The following TTC28 variants were observed in gnomAD, a reference collection of about 807,000 sequenced individuals.
The protein encoded by TTC28 is tetratricopeptide repeat protein 28.
A neutral mutation model predicts 198.0 loss-of-function variants in TTC28; 61 were observed. That is an observed-to-expected ratio of 0.31 (90% CI 0.25 to 0.38). The LOEUF (loss-of-function observed/expected upper bound fraction) is 0.38, where lower values mean the gene tolerates loss of function less well. TTC28 is among the 10% of genes least tolerant of loss of function. TTC28 has a pLI of 1.00. For synonymous variants in TTC28, 1,171 were observed against 1,297.8 expected, an observed-to-expected ratio of 0.90 and a Z score of 2.10; for missense variants, 2,678 against 3,164.0, an observed-to-expected ratio of 0.85 and a Z score of 3.69.
chr22:28,246,048 G>A (rs1930069521), intron 5 of TTC28, among the ~76,000 whole-genome samples: 1 of 152,134 alleles, frequency 6.6e-6, no homozygotes, highest in Non-Finnish European at 1.5e-5. Flanking sequence ...AGTAAACAGT[G>A]AGCTCTGTTC....
intron 2 of TTC28, among the ~76,000 whole-genome samples, chr22:28,326,133 T>C (rs989074380): frequency 1.3e-5 from 2 of 152,004 alleles, no homozygotes; most frequent in Non-Finnish European, 2.9e-5. Flanking sequence ...ATCCATACAA[T>C]GAAACACAAG....
chr22:28,360,749 G>C (rs1007731729), intron 2 of TTC28, among the ~76,000 whole-genome samples: 1 of 152,212 alleles, frequency 6.6e-6, no homozygotes, highest in Non-Finnish European at 1.5e-5. Flanking sequence ...GTGCTTTGCA[G>C]ATACTGCATT....
chr22:28,125,814 T>C (rs2146951036), intron 6 of TTC28, among the ~76,000 whole-genome samples: 1 of 152,278 alleles, frequency 6.6e-6, no homozygotes, highest in South Asian at 2.1e-4. Flanking sequence ...TAAAGCTTCA[T>C]CTGTTAAATA....
chr22:28,541,194 A>C (rs556624419), intron 2 of TTC28, among the ~76,000 whole-genome samples: 12 of 152,346 alleles, frequency 7.9e-5, no homozygotes, highest in African/African-American at 2.9e-4. Context: ...CGTATATAAA[A>C]CAACTGTTTT....
intron 5 of TTC28, among the ~76,000 whole-genome samples, chr22:28,169,059 A>C (rs1361144092): frequency 6.6e-6 from 1 of 152,218 alleles, no homozygotes; most frequent in African/African-American, 2.4e-5. Flanking sequence ...GCAGCCAAAA[A>C]ACACATGAAA....
intron 5 of TTC28, among the ~76,000 whole-genome samples, chr22:28,253,586 T>C (rs912198260): frequency 6.6e-6 from 1 of 152,200 alleles, no homozygotes; most frequent in Admixed American, 6.5e-5. Flanking sequence ...ATCCAATATA[T>C]ACTTGTTAAA....
At chr22:28,524,942 A>G (rs1270834283) in intron 2 of TTC28, among the ~76,000 whole-genome samples, 1 of 152,218 alleles carries the variant, frequency 6.6e-6, no homozygotes, top group Non-Finnish European at 1.5e-5. Flanking sequence ...GCAAAGATTC[A>G]TGCAATAATG....
chr22:28,607,752 G>C (rs570543870), intron 2 of TTC28, among the ~76,000 whole-genome samples: 1 of 152,252 alleles, frequency 6.6e-6, no homozygotes, highest in East Asian at 1.9e-4. Context: ...ACCTATAGCA[G>C]ATGATTGTTA....
At chr22:28,478,254 T>A (rs2048191932) in intron 2 of TTC28, among the ~76,000 whole-genome samples, 1 of 152,146 alleles carries the variant, frequency 6.6e-6, no homozygotes, top group Non-Finnish European at 1.5e-5. Flanking sequence ...AAGCCTGTAA[T>A]CCCAGCACTT....
intron 2 of TTC28, among the ~76,000 whole-genome samples, chr22:28,456,981 T>C (rs2047871937): frequency 6.6e-6 from 1 of 152,148 alleles, no homozygotes; most frequent in African/African-American, 2.4e-5. Flanking sequence ...GAGAAAACAG[T>C]CTTAGTTGAA....
At chr22:28,382,585 GCAA>G (rs1324539766) in intron 2 of TTC28, among the ~76,000 whole-genome samples, 1 of 152,098 alleles carries the variant, frequency 6.6e-6, no homozygotes, top group East Asian at 1.9e-4. Context: ...AAGCTAAAAT[GCAA>G]CAACATTAGA....
chr22:28,456,544 G>A (rs373438970), intron 2 of TTC28, among the ~76,000 whole-genome samples: 4 of 152,130 alleles, frequency 2.6e-5, no homozygotes, highest in Admixed American at 1.3e-4. Flanking sequence ...AAAGGTTAAT[G>A]TATAATTCTG....
intron 10 of TTC28, among the ~76,000 whole-genome samples, chr22:28,096,863 G>A (rs1056004570): frequency 1.3e-5 from 2 of 150,916 alleles, no homozygotes; most frequent in Non-Finnish European, 2.9e-5. Context: ...GGAATATAGT[G>A]GCATGATCTC....
chr22:28,160,787 T>C (rs1250002436), intron 6 of TTC28, among the ~76,000 whole-genome samples: 1 of 152,218 alleles, frequency 6.6e-6, no homozygotes, highest in Admixed American at 6.5e-5. Context: ...TACATTTTTA[T>C]ATGTTAAGAA....
chr22:28,016,501 G>A (rs1483732386), intron 13 of TTC28, among the ~76,000 whole-genome samples: 3 of 152,210 alleles, frequency 2.0e-5, no homozygotes, highest in Non-Finnish European at 4.4e-5. Context: ...AGCACTAGGT[G>A]CCCTCTTCCT....
intron 5 of TTC28, among the ~76,000 whole-genome samples, chr22:28,167,049 C>T (rs990252148): frequency 5.9e-5 from 9 of 152,066 alleles, no homozygotes; most frequent in Middle Eastern, 3.2e-3. Flanking sequence ...AACACCTCTA[C>T]GCAAAAAAAC....
At chr22:28,479,037 C>A (rs1327372313) in intron 2 of TTC28, among the ~76,000 whole-genome samples, 1 of 152,078 alleles carries the variant, frequency 6.6e-6, no homozygotes, top group Non-Finnish European at 1.5e-5. Flanking sequence ...GACTTCCCAG[C>A]ATCTAGCACA....
At position 27,980,877 on chromosome 22, in the gene TTC28, G is replaced by T. The variant is rs970688621; in HGVS notation, c.*1344C>A. On this transcript the variant is annotated 3_prime_UTR_variant, in exon 23 of 23. Coordinates refer to ENST00000397906, the MANE Select transcript of TTC28 (RefSeq NM_001145418.2). ...TTAAGTTACCGTCAGAGCTGTAGGA[G>T]AAGTCCACCTCCACTTTTTAAGATA... The T allele has an allele frequency of 6.6e-6, 1 of 152,276 alleles. No individual in the cohort carries two copies. Among genetic ancestry groups the T allele is most frequent in the Non-Finnish European group, 1.5e-5 (1 of 68,064 alleles). The allele number at this position is 152,276 out of a possible 1,614,324, so 9.4% of individuals were successfully genotyped here.
At chr22:28,013,669 G>C (rs1230883921) in intron 14 of TTC28, among the ~76,000 whole-genome samples, 1 of 152,168 alleles carries the variant, frequency 6.6e-6, no homozygotes, top group Non-Finnish European at 1.5e-5. Context: ...GAGGTGGGGA[G>C]GTGGGGAAGC....
Sources: allele counts gnomAD v4.1 joint callset (sites outside exome capture counted in the v4.1 genomes callset), GRCh38; gene constraint gnomAD v4.1.1; transcripts MANE v1.5; gene names NCBI Gene and HGNC (gene_info 2026-07-23, HGNC 2026-07-21).